TARS3: variants seen among roughly 807,000 people sequenced by gnomAD.
TARS3 encodes the protein threonyl-tRNA synthetase 3, also known as threonine--tRNA ligase 2, cytoplasmic.
Under a neutral mutation model 103.5 loss-of-function variants are expected in TARS3, and 94 were observed. The ratio of observed to expected loss-of-function variants is 0.91; its 90% CI spans 0.77 to 1.08. TARS3 has a LOEUF of 1.08. Ranked by LOEUF, TARS3 falls within the 50% of genes least tolerant of loss-of-function variation. The probability of loss-of-function intolerance (pLI) is 0.00; values close to 1 mark genes in which losing one functional copy is unlikely to be tolerated. For missense variants in TARS3, 952 were observed against 995.2 expected (o/e 0.96, Z 0.58); for synonymous variants, 416 against 355.4 (o/e 1.17, Z -1.92).
At chr15:101,671,830 C>A in intron 13 of TARS3, 82 bp from the exon 14 acceptor site, 1 of 1,106,654 alleles carries the variant, frequency 9.0e-7, no homozygotes, top group South Asian at 1.4e-5. Context: ...TACTATAACT[C>A]TTCATTACAG....
intron 4 of TARS3, among the ~76,000 whole-genome samples, chr15:101,713,144 A>G (rs1409485300): frequency 6.6e-6 from 1 of 152,236 alleles, no homozygotes; most frequent in Non-Finnish European, 1.5e-5. Context: ...CAGGCAATAA[A>G]CAAACCTGGA....
intron 10 of TARS3, among the ~76,000 whole-genome samples, chr15:101,694,818 C>T (rs1014238981): frequency 6.6e-6 from 1 of 152,098 alleles, no homozygotes; most frequent in Non-Finnish European, 1.5e-5. Flanking sequence ...CCTATGAACC[C>T]ATTTATATGT....
intron 13 of TARS3, 22 bp downstream of exon 13, chr15:101,675,578 A>G (rs1266967414): frequency 2.5e-6 from 4 of 1,601,308 alleles, no homozygotes; most frequent in Non-Finnish European, 3.4e-6. Flanking sequence ...AATGAAGAGG[A>G]AGCACAAGGT....
intron 12 of TARS3, 27 bp from the exon 13 acceptor site, chr15:101,675,764 A>G: frequency 6.3e-7 from 1 of 1,591,132 alleles, no homozygotes; most frequent in East Asian, 2.2e-5. Context: ...TGAAACATTC[A>G]AATAGAACAT....
At chr15:101,708,726 T>C (rs1229671162) in intron 6 of TARS3, 67 bp downstream of exon 6, 3 of 1,050,166 alleles carry the variant, frequency 2.9e-6, no homozygotes, top group African/African-American at 1.6e-5. Flanking sequence ...TGGGGGAAGG[T>C]GGGGAAGCTA....
In TARS3 at chr15:101,671,530, C is replaced by A. The variant is rs1269288866; in HGVS notation, c.1923G>T (p.Gln641His). ...ATCTAATAGGCAGTTGGAAGTCCAG[C>A]TGAATTGTAGCACATTGATGGTATC... ...IGRYHQCATI[Q>H]LDFQLPIRFN... The change falls in exon 15 of 19, where the codon CAG (glutamine) becomes CAT (histidine). Residue 641 changes from glutamine to histidine, a missense_variant. Physicochemically the swap from Gln to His is conservative, Grantham distance 24. Around this residue, in one of 2 missense-constraint regions of TARS3, gnomAD observed 540 missense variants for 631.0 expected, o/e 0.86. Coordinates refer to ENST00000335968, the MANE Select transcript of TARS3 (RefSeq NM_152334.3). The A allele has an allele frequency of 6.2e-7, 1 of 1,611,468 alleles. No individual in the cohort carries two copies. Among genetic ancestry groups the A allele is most frequent in the South Asian group, 1.1e-5 (1 of 90,974 alleles).
chr15:101,697,119 C>T (rs1899019263), intron 10 of TARS3, among the ~76,000 whole-genome samples: 1 of 152,190 alleles, frequency 6.6e-6, no homozygotes, highest in African/African-American at 2.4e-5. Flanking sequence ...TCCTGTCTTA[C>T]TTTTCCCTCC....
intron 5 of TARS3, among the ~76,000 whole-genome samples, 200 bp downstream of exon 5, chr15:101,711,680 G>A (rs975696791): frequency 4.6e-5 from 7 of 152,284 alleles, no homozygotes; most frequent in East Asian, 1.9e-4. Flanking sequence ...TCATTAAGGC[G>A]TCTAGCTAAC....
rs1431625197 is a variant in TARS3 at position 101,723,126 on chromosome 15, C to G, written c.336G>C (p.Lys112Asn). ...PSQSQDKDMK[K>N]KKMKESEADS... The stretch of plus-strand genomic sequence containing the variant: ...CAGCCTCGCTTTCCTTCATTTTCTT[C>G]TTTTTCATGTCCTTGTCTTGGCTTT... Residue 112 changes from lysine (K) to asparagine (N), a missense_variant, in exon 2 of 19, where the codon AAG becomes AAC. By Grantham distance (94) the Lys-to-Asn change is moderately conservative. Transcript: ENST00000335968. 6.2e-7 allele frequency: 1 copy of G among 1,614,018 alleles called. No individual in the cohort carries two copies.
chr15:101,660,124 T>G (rs571158419), intron 16 of TARS3, among the ~76,000 whole-genome samples: 2 of 152,330 alleles, frequency 1.3e-5, no homozygotes, highest in Admixed American at 1.3e-4. Flanking sequence ...CTGGTTGCAG[T>G]GACCCTAGCA....
chr15:101,696,367 GTCTT>G (rs1192349179), intron 10 of TARS3, among the ~76,000 whole-genome samples: 2 of 151,968 alleles, frequency 1.3e-5, no homozygotes, highest in African/African-American at 4.8e-5. Flanking sequence ...GATGTTTTTA[GTCTT>G]TCTATGATGG....
At chr15:101,715,737 T>C (rs1900123878) in intron 3 of TARS3, among the ~76,000 whole-genome samples, 1 of 152,154 alleles carries the variant, frequency 6.6e-6, no homozygotes, top group South Asian at 2.1e-4. Flanking sequence ...GTCGCCTAAG[T>C]CTTGCTATCA....
At chr15:101,711,133 A>C (rs1180334638) in intron 5 of TARS3, among the ~76,000 whole-genome samples, 1 of 152,216 alleles carries the variant, frequency 6.6e-6, no homozygotes, top group Non-Finnish European at 1.5e-5. Flanking sequence ...GAATTAAACT[A>C]GCCTCTCTCT....
At chr15:101,702,774 TCAAA>T (rs1016952380) in intron 8 of TARS3, among the ~76,000 whole-genome samples, 11 of 152,162 alleles carry the variant, frequency 7.2e-5, no homozygotes, top group East Asian at 5.8e-4. Flanking sequence ...TGTCTCAAAA[TCAAA>T]CAAACAAACA....
chr15:101,690,161 AG>A (rs1163876520), intron 10 of TARS3, among the ~76,000 whole-genome samples: 1 of 152,208 alleles, frequency 6.6e-6, no homozygotes, highest in Non-Finnish European at 1.5e-5. Context: ...ACAGGGGGTG[AG>A]CCAGGCTGGT....
intron 15 of TARS3, among the ~76,000 whole-genome samples, chr15:101,668,644 G>T (rs538618042): frequency 1.3e-5 from 2 of 152,242 alleles, no homozygotes; most frequent in South Asian, 2.1e-4. Context: ...AAAATGCAAC[G>T]TCTGCGAAGT....
chr15:101,670,814 A>G (rs542199322), intron 15 of TARS3, among the ~76,000 whole-genome samples: 1 of 152,344 alleles, frequency 6.6e-6, no homozygotes, highest in East Asian at 1.9e-4. Flanking sequence ...GACAGAAAGG[A>G]ACAAACTATC....
chr15:101,714,776 C>T (rs1483277330), intron 4 of TARS3, 64 bp downstream of exon 4: 2 of 1,509,228 alleles, frequency 1.3e-6, no homozygotes, highest in African/African-American at 1.4e-5. Flanking sequence ...TATGTGGCCT[C>T]TTATATAATG....
chr15:101,708,076 TCTA>T (rs1330859434), intron 6 of TARS3, among the ~76,000 whole-genome samples: 5 of 151,884 alleles, frequency 3.3e-5, no homozygotes, highest in African/African-American at 9.7e-5. Context: ...AAACTTTGTC[TCTA>T]CTAAAAGGAT....
Sources: allele counts gnomAD v4.1 joint callset (sites outside exome capture counted in the v4.1 genomes callset), GRCh38; gene constraint gnomAD v4.1.1; regional missense constraint gnomAD v4.1.1; transcripts MANE v1.5; gene names NCBI Gene and HGNC (gene_info 2026-07-23, HGNC 2026-07-21).